The following AGBL4 variants were observed in gnomAD, a reference collection of about 807,000 sequenced individuals.
AGBL4 encodes cytosolic carboxypeptidase 6.
A neutral mutation model predicts 66.4 loss-of-function variants in AGBL4; 58 were observed. The observed-to-expected ratio is 0.87, with a 90% CI of 0.71 to 1.09. The LOEUF (loss-of-function observed/expected upper bound fraction) is 1.09. AGBL4 is among the 50% of genes least tolerant of loss of function. The pLI, the probability that AGBL4 is intolerant of heterozygous loss-of-function variation, is 0.00. For synonymous variants in AGBL4, 234 were observed against 222.9 expected (o/e 1.05, Z -0.44); for missense variants, 579 against 631.0 (o/e 0.92, Z 0.88).
intron 5 of AGBL4, chr1:49,025,738 C>G (rs1663617446): frequency 6.6e-6 from 1 of 152,052 alleles, no homozygotes; most frequent in Non-Finnish European, 1.5e-5. Flanking sequence ...GCCCTAAATA[C>G]AAAAATATCT....
intron 3 of AGBL4, among the ~76,000 whole-genome samples, chr1:49,529,221 A>C (rs904613300): frequency 1.3e-5 from 2 of 152,150 alleles, no homozygotes; most frequent in African/African-American, 4.8e-5. Context: ...GAAGAGTAGG[A>C]AATGTCTTTG....
chr1:49,329,339 G>C (rs992475547), intron 3 of AGBL4, among the ~76,000 whole-genome samples: 2 of 151,780 alleles, frequency 1.3e-5, no homozygotes, highest in Admixed American at 6.6e-5. Flanking sequence ...TCTCTAAGCT[G>C]TCTAAGCTAC....
At chr1:49,351,441 T>G (rs1001114007) in intron 3 of AGBL4, among the ~76,000 whole-genome samples, 2 of 152,010 alleles carry the variant, frequency 1.3e-5, no homozygotes, top group Non-Finnish European at 2.9e-5. Context: ...TCTGTATATG[T>G]ATAGTACACA....
At chr1:49,352,487 C>A (rs1265193336) in intron 3 of AGBL4, among the ~76,000 whole-genome samples, 1 of 150,694 alleles carries the variant, frequency 6.6e-6, no homozygotes, top group African/African-American at 2.4e-5. Flanking sequence ...CACTGGGGTC[C>A]TGGGGCAGAG....
chr1:49,870,457 C>T (rs751670414), intron 1 of AGBL4, among the ~76,000 whole-genome samples: 1 of 150,440 alleles, frequency 6.6e-6, no homozygotes, highest in Non-Finnish European at 1.5e-5. Context: ...TTATTTGTAA[C>T]AGAAAGGATA....
chr1:48,891,873 C>T (rs1440673763), intron 5 of AGBL4, among the ~76,000 whole-genome samples: 1 of 152,080 alleles, frequency 6.6e-6, no homozygotes, highest in East Asian at 1.9e-4. Context: ...TTAAACCATG[C>T]TGTCTCCAGA....
chr1:49,206,588 G>C (rs1227042842), intron 4 of AGBL4, among the ~76,000 whole-genome samples: 1 of 151,934 alleles, frequency 6.6e-6, no homozygotes, highest in African/African-American at 2.4e-5. Context: ...AATAGAAATA[G>C]AGTGTATAGG....
chr1:49,517,214 G>C (rs567450391), intron 3 of AGBL4, among the ~76,000 whole-genome samples: 1 of 150,930 alleles, frequency 6.6e-6, no homozygotes. Flanking sequence ...TGAGAGTATT[G>C]AACTAATGTA....
Position 49,403,492 on chromosome 1 carries a change from T to G in AGBL4, c.283-157628A>C, listed in dbSNP as rs1018026471. Among the ~76,000 whole-genome samples, 15 of 152,228 alleles carry G rather than the reference T, an allele frequency of 9.9e-5. No homozygotes were observed. In the South Asian group the frequency reaches 2.1e-3, roughly 21 times the overall value. Reference sequence around the variant, plus strand: ...TTATCTGTTAGAATTCTAAATTCCTTCTCTGTTATCTTGGATTTCTTTTAG... The same window carrying G: ...TTATCTGTTAGAATTCTAAATTCCTGCTCTGTTATCTTGGATTTCTTTTAG... On this transcript the variant is annotated intron_variant, in intron 3 of 13. Coordinates refer to ENST00000371839, the MANE Select transcript of AGBL4 (RefSeq NM_032785.4).
At chr1:49,018,713 G>T (rs1417419066) in intron 5 of AGBL4, among the ~76,000 whole-genome samples, 1 of 152,064 alleles carries the variant, frequency 6.6e-6, no homozygotes, top group Non-Finnish European at 1.5e-5. Flanking sequence ...TAGAAATAAT[G>T]CTTGATTCCT....
At chr1:49,264,865 T>C (rs1653572353) in intron 3 of AGBL4, among the ~76,000 whole-genome samples, 2 of 152,268 alleles carry the variant, frequency 1.3e-5, no homozygotes, top group South Asian at 4.1e-4. Flanking sequence ...TTTTGATAAT[T>C]GTAGTTTCAT....
intron 2 of AGBL4, among the ~76,000 whole-genome samples, chr1:49,758,420 T>C (rs2147855699): frequency 6.6e-6 from 1 of 152,152 alleles, no homozygotes; most frequent in African/African-American, 2.4e-5. Flanking sequence ...CCCAGAATGG[T>C]AGATCCACCA....
At chr1:49,106,323 G>A (rs1645292078) in intron 4 of AGBL4, among the ~76,000 whole-genome samples, 2 of 152,174 alleles carry the variant, frequency 1.3e-5, no homozygotes, top group African/African-American at 2.4e-5. Context: ...ACAACACTGA[G>A]TTCAATAATA....
intron 4 of AGBL4, among the ~76,000 whole-genome samples, chr1:49,112,237 T>C (rs745645120): frequency 3.9e-5 from 6 of 152,176 alleles, no homozygotes; most frequent in Non-Finnish European, 8.8e-5. Flanking sequence ...TTTTCTGGAG[T>C]ATAACATAGT....
intron 4 of AGBL4, among the ~76,000 whole-genome samples, chr1:49,148,134 G>A (rs926038261): frequency 1.3e-5 from 2 of 152,112 alleles, no homozygotes; most frequent in Non-Finnish European, 2.9e-5. Context: ...TACTTTGTAG[G>A]ACTATAGTAC....
intron 1 of AGBL4, among the ~76,000 whole-genome samples, chr1:49,854,214 G>T (rs530780562): frequency 6.6e-6 from 1 of 151,808 alleles, no homozygotes; most frequent in African/African-American, 2.4e-5. Flanking sequence ...GCAAGTGTCA[G>T]GCCCCTCTAA....
chr1:48,750,654 G>A (rs1459044380), intron 6 of AGBL4, among the ~76,000 whole-genome samples: 1 of 152,238 alleles, frequency 6.6e-6, no homozygotes, highest in Non-Finnish European at 1.5e-5. Flanking sequence ...GCTCGGAACA[G>A]AGGAAGGATC....
intron 11 of AGBL4, among the ~76,000 whole-genome samples, chr1:48,570,883 C>G (rs113144137): frequency 1.0e-3 from 152 of 152,224 alleles, no homozygotes; most frequent in African/African-American, 3.5e-3. Context: ...AAAGAAGAAT[C>G]CTCTTTTGCT....
At chr1:49,749,894 C>A (rs983562389) in intron 2 of AGBL4, among the ~76,000 whole-genome samples, 5 of 152,058 alleles carry the variant, frequency 3.3e-5, no homozygotes, top group Non-Finnish European at 7.4e-5. Flanking sequence ...GTCATCAAAG[C>A]AATTTTAGTG....
Sources: allele counts gnomAD v4.1 joint callset (sites outside exome capture counted in the v4.1 genomes callset), GRCh38; gene constraint gnomAD v4.1.1; transcripts MANE v1.5; gene names NCBI Gene and HGNC (gene_info 2026-07-23, HGNC 2026-07-21).